STPG2: variants seen among roughly 807,000 people sequenced by gnomAD.
STPG2 encodes the protein sperm tail PG-rich repeat containing 2.
A neutral mutation model predicts 54.2 loss-of-function variants in STPG2; 56 were observed. The observed-to-expected ratio is 1.03, with a 90% CI of 0.83 to 1.29. The LOEUF (loss-of-function observed/expected upper bound fraction) is 1.29, where lower values mean the gene tolerates loss of function less well. STPG2 is among the 50% of genes most tolerant of loss of function. The probability of loss-of-function intolerance (pLI) is 0.00; values close to 1 mark genes in which losing one functional copy is unlikely to be tolerated. For synonymous variants in STPG2, 200 were observed against 181.8 expected (o/e 1.10, Z -0.81); for missense variants, 596 against 544.9 (o/e 1.09, Z -0.93).
intron 9 of STPG2, among the ~76,000 whole-genome samples, chr4:97,836,511 C>T (rs1465207478): frequency 1.3e-5 from 2 of 151,736 alleles, no homozygotes; most frequent in Non-Finnish European, 2.9e-5. Flanking sequence ...TCATGTGACT[C>T]GCTTTATTGC....
chr4:97,649,407 T>A (rs1426249460), intron 10 of STPG2, among the ~76,000 whole-genome samples: 2 of 152,142 alleles, frequency 1.3e-5, no homozygotes, highest in African/African-American at 4.8e-5. Flanking sequence ...TTTGAAATAG[T>A]CTTAGCTGTC....
intron 8 of STPG2, among the ~76,000 whole-genome samples, chr4:97,895,132 T>C (rs915752534): frequency 6.6e-6 from 1 of 151,726 alleles, no homozygotes; most frequent in Non-Finnish European, 1.5e-5. Context: ...GGCCAAGCAA[T>C]TGCAATAAAG....
At chr4:97,792,950 G>C (rs940877768) in intron 9 of STPG2, among the ~76,000 whole-genome samples, 1 of 152,002 alleles carries the variant, frequency 6.6e-6, no homozygotes, top group Admixed American at 6.6e-5. Context: ...TCAGGAGTTC[G>C]AGACCAGCCT....
intron 5 of STPG2, among the ~76,000 whole-genome samples, chr4:97,982,893 G>T (rs1734723914): frequency 6.6e-6 from 1 of 152,150 alleles, no homozygotes. Context: ...TGTGATGTCT[G>T]CTGGTCTTCA....
At chr4:97,457,045 T>G (rs74862722) in intron 4 of STPG2, among the ~76,000 whole-genome samples, 1 of 151,530 alleles carries the variant, frequency 6.6e-6, no homozygotes, top group East Asian at 1.9e-4. Flanking sequence ...ATGAAAACAA[T>G]AGTGAGATAC....
intron 10 of STPG2, among the ~76,000 whole-genome samples, chr4:97,683,718 T>C (rs1331380615): frequency 6.6e-6 from 1 of 151,810 alleles, no homozygotes; most frequent in Non-Finnish European, 1.5e-5. Flanking sequence ...AAGAAATGAA[T>C]GTCTCTTCTC....
At chr4:97,499,889 G>A (rs956016264) in intron 4 of STPG2, among the ~76,000 whole-genome samples, 5 of 151,964 alleles carry the variant, frequency 3.3e-5, no homozygotes, top group African/African-American at 4.8e-5. Flanking sequence ...ATAGAAGATG[G>A]GATAAAAGAG....
chr4:97,674,854 G>T (rs1578470902), intron 10 of STPG2, among the ~76,000 whole-genome samples: 1 of 152,074 alleles, frequency 6.6e-6, no homozygotes, highest in Admixed American at 6.6e-5. Context: ...ACATGTAGGG[G>T]AAACGGTACT....
chr4:98,142,979 G>A (rs527989798), intron 1 of STPG2, 63 bp downstream of exon 1: 3 of 1,412,046 alleles, frequency 2.1e-6, no homozygotes, highest in East Asian at 2.4e-5. Context: ...CAAGCACGCA[G>A]AAGCGGAGCA....
chr4:97,971,565 G>A (rs925198852), intron 7 of STPG2, among the ~76,000 whole-genome samples: 11 of 152,124 alleles, frequency 7.2e-5, no homozygotes, highest in Non-Finnish European at 1.5e-4. Flanking sequence ...ACCACACACC[G>A]CAGGTTCTCA....
intron 4 of STPG2, among the ~76,000 whole-genome samples, chr4:97,502,367 C>G (rs1409842357): frequency 6.6e-6 from 1 of 151,938 alleles, no homozygotes; most frequent in African/African-American, 2.4e-5. Context: ...TAAATTTCAT[C>G]ACAGCAACAT....
At chr4:98,084,211 T>C (rs1419050839) in intron 5 of STPG2, among the ~76,000 whole-genome samples, 1 of 152,196 alleles carries the variant, frequency 6.6e-6, no homozygotes, top group African/African-American at 2.4e-5. Flanking sequence ...GTATTTTTAA[T>C]GTCTGATTTC....
At chr4:98,023,996 C>A (rs563226647) in intron 5 of STPG2, among the ~76,000 whole-genome samples, 3 of 152,140 alleles carry the variant, frequency 2.0e-5, no homozygotes, top group Non-Finnish European at 4.4e-5. Flanking sequence ...TGAGGCAATG[C>A]CTCACCCTGC....
intron 9 of STPG2, among the ~76,000 whole-genome samples, chr4:97,779,284 T>C (rs1437533544): frequency 6.6e-6 from 1 of 151,986 alleles, no homozygotes; most frequent in Non-Finnish European, 1.5e-5. Flanking sequence ...ACATGACAAA[T>C]GTACAAGCTT....
intron 8 of STPG2, among the ~76,000 whole-genome samples, chr4:97,867,948 T>C (rs891102585): frequency 6.6e-6 from 1 of 152,010 alleles, no homozygotes; most frequent in Non-Finnish European, 1.5e-5. Flanking sequence ...TGTTTAATAA[T>C]TATATTGCCA....
chr4:98,080,909 T>C (rs987639527), intron 5 of STPG2, among the ~76,000 whole-genome samples: 1 of 152,218 alleles, frequency 6.6e-6, no homozygotes, highest in African/African-American at 2.4e-5. Context: ...CTCACTTTCC[T>C]ACTAATAATC....
intron 9 of STPG2, among the ~76,000 whole-genome samples, chr4:97,799,966 G>C (rs1428638034): frequency 1.3e-5 from 2 of 151,894 alleles, no homozygotes; most frequent in Non-Finnish European, 2.9e-5. Flanking sequence ...CCTTCCAATT[G>C]ATCAAATCGG....
chr4:97,763,501 A>G (rs1368263259), intron 9 of STPG2, among the ~76,000 whole-genome samples: 1 of 152,216 alleles, frequency 6.6e-6, no homozygotes, highest in Admixed American at 6.5e-5. Flanking sequence ...ACAAATTTCT[A>G]TGATAGGTGA....
At chr4:97,732,601 A>G (rs1724837629) in intron 9 of STPG2, among the ~76,000 whole-genome samples, 1 of 152,354 alleles carries the variant, frequency 6.6e-6, no homozygotes, top group African/African-American at 2.4e-5. Flanking sequence ...CTGCACAGAA[A>G]AAAGAAATAA....
Sources: gnomAD v4.1 joint callset for allele counts (sites outside exome capture counted in the v4.1 genomes callset) on GRCh38, gnomAD v4.1.1 for gene constraint, MANE v1.5 for transcripts, NCBI Gene and HGNC (gene_info 2026-07-23, HGNC 2026-07-21) for gene names.